The following NFIB variants were observed in gnomAD, a reference collection of about 807,000 sequenced individuals.
NFIB encodes the protein nuclear factor I B.
A neutral mutation model predicts 61.5 loss-of-function variants in NFIB; 11 were observed. That is an observed-to-expected ratio of 0.18 (90% CI 0.11 to 0.30). The LOEUF (loss-of-function observed/expected upper bound fraction) is 0.30, where lower values mean the gene tolerates loss of function less well. Among genes scored for constraint, NFIB ranks in the 10% least tolerant of loss-of-function variants. The pLI is 1.00. For missense variants in NFIB, 471 were observed against 608.9 expected (o/e 0.77, Z 2.38); for synonymous variants, 260 against 216.5 (o/e 1.20, Z -1.76).
the NFIB span, among the ~76,000 whole-genome samples, chr9:14,410,471 G>A: frequency 6.6e-6 from 1 of 152,176 alleles, no homozygotes; most frequent in African/African-American, 2.4e-5. Flanking sequence ...GGTAGAAGAG[G>A]TTAGGAGATT....
intron 3 of NFIB, 135 bp downstream of exon 3, chr9:14,179,592 T>C (rs1723036118): frequency 1.2e-6 from 1 of 802,364 alleles, no homozygotes; most frequent in African/African-American, 1.7e-5. Flanking sequence ...CTAAGCACAA[T>C]CACATCTTGT....
At position 14,082,775 on chromosome 9, in the gene NFIB, A is replaced by G. The variant is rs2032201113; in HGVS notation, c.*5534T>C. ...GCATAAAAAGCCATACTTCTTAAAAAAAAAAAAAAGAAAAAAAAAGACTTC... is the reference window on the plus strand; with the variant it reads ...GCATAAAAAGCCATACTTCTTAAAAGAAAAAAAAAGAAAAAAAAAGACTTC... On this transcript the variant is annotated 3_prime_UTR_variant, in exon 11 of 11. Transcript: ENST00000380953. 1 of 197,990 alleles carries G rather than the reference A, an allele frequency of 5.1e-6. No homozygotes were observed. The highest frequency in any genetic ancestry group is 1.0e-5 in the Non-Finnish European group (1 of 95,744). The allele number at this position is 197,990 out of a possible 1,614,324, so 12.3% of individuals were successfully genotyped here. A position where few individuals can be genotyped will look rare whatever the true frequency, so the allele number is the denominator to read the frequency against.
chr9:14,266,283 T>C (rs1009106365), intron 2 of NFIB, among the ~76,000 whole-genome samples: 3 of 152,184 alleles, frequency 2.0e-5, no homozygotes, highest in Non-Finnish European at 2.9e-5. Flanking sequence ...GCATGTGATC[T>C]ATGGCTTATT....
At chr9:14,352,395 A>T (rs2061123958) in intron 1 of NFIB, among the ~76,000 whole-genome samples, 2 of 151,912 alleles carry the variant, frequency 1.3e-5, no homozygotes, top group Admixed American at 6.6e-5. Context: ...CCGGTACTCT[A>T]CATTAGCTAA....
chr9:14,120,631 A>C lies in NFIB; in HGVS notation c.1061-7T>G, dbSNP rs1232022748. 6.3e-7 allele frequency: 1 copy of C among 1,588,530 alleles called. No individual in the cohort carries two copies. The highest frequency in any genetic ancestry group is 8.6e-7 in the Non-Finnish European group (1 of 1,169,134). ...GGAGTTCGAGTTGAGATGACTGCAG[A>C]AGACAGAAAAGGAAAGATTGACTCA... On this transcript the variant is annotated splice_polypyrimidine_tract_variant and splice_region_variant and intron_variant, in intron 7 of 10. Coordinates refer to ENST00000380953, the MANE Select transcript of NFIB (RefSeq NM_001190737.2). This position sits in a 1 kb window ranked among gnomAD's most constrained non-coding sequence, Gnocchi z 4.4.
Position 14,334,612 on chromosome 9 carries a change from T to C in NFIB, c.109-27092A>G, listed in dbSNP as rs562703744. Reference sequence around the variant, plus strand: ...TGCCAGTTTATATCTGTTGCAGATTTCTCTTCCTACTTTGAGGCTTACAAT... The same window carrying C: ...TGCCAGTTTATATCTGTTGCAGATTCCTCTTCCTACTTTGAGGCTTACAAT... On this transcript the variant is annotated intron_variant, in intron 1 of 8. Transcript: ENST00000380934. Among the ~76,000 whole-genome samples the C allele has an allele frequency of 2.0e-5, 3 of 152,342 alleles. No individual in the cohort carries two copies. The East Asian group carries it at 5.8e-4, about 29-fold the overall frequency.
chr9:14,081,924 T>A lies in NFIB; in HGVS notation c.*6385A>T, dbSNP rs1401744077. 1 of 199,534 alleles carries A rather than the reference T, an allele frequency of 5.0e-6. No individual in the cohort carries two copies. Among genetic ancestry groups the A allele is most frequent in the African/African-American group, 2.3e-5 (1 of 43,506 alleles). 12.4% of individuals were successfully genotyped at this position (199,534 alleles called of 1,614,324 possible). ...ATCCGCTTCCAGTAATTGACTGCAG[T>A]ATGAGCAGCTGCTAGCAGTATAGGC... On this transcript the variant is annotated 3_prime_UTR_variant, in exon 11 of 11. Transcript: ENST00000380953.
At chr9:14,459,932 A>G in the NFIB span, among the ~76,000 whole-genome samples, 3 of 152,048 alleles carry the variant, frequency 2.0e-5, no homozygotes, top group Non-Finnish European at 4.4e-5. Flanking sequence ...ACTGTAGACT[A>G]GTTCAACCAT....
At chr9:14,326,025 G>C (rs2060748188) in intron 1 of NFIB, among the ~76,000 whole-genome samples, 2 of 152,186 alleles carry the variant, frequency 1.3e-5, no homozygotes, top group East Asian at 3.9e-4. Context: ...AAAATAGGGA[G>C]GCTTAAATTA....
At chr9:14,312,753 A>T (rs1407140141) in intron 1 of NFIB, among the ~76,000 whole-genome samples, 3 of 152,212 alleles carry the variant, frequency 2.0e-5, no homozygotes, top group Admixed American at 2.0e-4. Flanking sequence ...ATGCCTTACG[A>T]GCTACGCCCA....
chr9:14,231,788 T>A (rs540413149), intron 2 of NFIB, among the ~76,000 whole-genome samples: 59 of 152,250 alleles, frequency 3.9e-4, no homozygotes, highest in Non-Finnish European at 6.5e-4. Context: ...CCTCCTTGCA[T>A]AAAAAGAGAG....
At chr9:14,410,814 A>G in the NFIB span, among the ~76,000 whole-genome samples, 1 of 152,220 alleles carries the variant, frequency 6.6e-6, no homozygotes, top group Admixed American at 6.5e-5. Context: ...CCAAAGACCC[A>G]GACCACAAAT....
At chr9:14,107,187 T>C (rs1269583045) in intron 10 of NFIB, among the ~76,000 whole-genome samples, 1 of 152,024 alleles carries the variant, frequency 6.6e-6, no homozygotes, top group Non-Finnish European at 1.5e-5. Context: ...ATTGCTAATA[T>C]TAATTACCTA....
chr9:14,175,901 T>C (rs1380617864), intron 3 of NFIB, among the ~76,000 whole-genome samples: 1 of 152,164 alleles, frequency 6.6e-6, no homozygotes, highest in Non-Finnish European at 1.5e-5. Flanking sequence ...AAGACATTAG[T>C]TTGGAACTGA....
chr9:14,197,014 T>C (rs374448268), intron 2 of NFIB, among the ~76,000 whole-genome samples: 2 of 152,366 alleles, frequency 1.3e-5, no homozygotes, highest in East Asian at 3.9e-4. Flanking sequence ...AATTAGATAC[T>C]GACAATAAGG....
At chr9:14,257,771 C>T (rs759831929) in intron 2 of NFIB, among the ~76,000 whole-genome samples, 14 of 151,808 alleles carry the variant, frequency 9.2e-5, no homozygotes, top group African/African-American at 2.2e-4. Context: ...AGAAAAAAAA[C>T]GAAAGAAAGA....
chr9:14,413,088 C>T, the NFIB span, among the ~76,000 whole-genome samples: 1 of 152,130 alleles, frequency 6.6e-6, no homozygotes, highest in African/African-American at 2.4e-5. Context: ...TAGCTCTGAA[C>T]TGCCTTCCCA....
the NFIB span, among the ~76,000 whole-genome samples, chr9:14,517,197 C>G: frequency 6.6e-6 from 1 of 152,204 alleles, no homozygotes; most frequent in African/African-American, 2.4e-5. Flanking sequence ...ATCATCACTC[C>G]AAGGCCCACA....
chr9:14,151,562 A>G (rs2042876024), intron 4 of NFIB, among the ~76,000 whole-genome samples: 1 of 152,170 alleles, frequency 6.6e-6, no homozygotes, highest in South Asian at 2.1e-4. Flanking sequence ...ATTTCAAGGG[A>G]AAAAGAATCC....
Sources: gnomAD v4.1 joint callset for allele counts (sites outside exome capture counted in the v4.1 genomes callset) on GRCh38, gnomAD v4.1.1 for gene constraint, Gnocchi (gnomAD v3.1) non-coding constraint, MANE v1.5 for transcripts, NCBI Gene and HGNC (gene_info 2026-07-23, HGNC 2026-07-21) for gene names.